Variants in HFM1 observed in about 807,000 individuals in gnomAD.
The protein encoded by HFM1 is probable ATP-dependent DNA helicase HFM1.
In HFM1, 169 loss-of-function variants were observed where a neutral mutation model predicts 192.1. The ratio of observed to expected loss-of-function variants is 0.88; its 90% confidence interval spans 0.78 to 1.00. The LOEUF (loss-of-function observed/expected upper bound fraction) is 1.00, where lower values mean the gene tolerates loss of function less well. Among genes scored for constraint, HFM1 ranks in the 50% least tolerant of loss-of-function variants. HFM1 has a pLI of 0.00. For missense variants in HFM1, 1,661 were observed against 1,668.0 expected (o/e 1.00, Z 0.07); for synonymous variants, 525 against 537.8 (o/e 0.98, Z 0.33).
chr1:91,378,479 TC>T lies in HFM1; in HGVS notation c.1159del (p.Glu387LysfsTer6). On this transcript the variant is annotated frameshift_variant and splice_region_variant, in exon 10 of 39. Coordinates refer to ENST00000370425, the MANE Select transcript of HFM1 (RefSeq NM_001017975.6). LOFTEE classifies it high-confidence loss of function. ...QHAHIIMTTP[E>X]KWDSMTRKWR... is the part of the protein sequence containing the mutation. ...TTTCCTAGTCATGCTATCCCATTTTTCCTAGAGAGAAAAAAAAGCATACAAG... is the reference window on the plus strand; with the variant it reads ...TTTCCTAGTCATGCTATCCCATTTTTCTAGAGAGAAAAAAAAGCATACAAG... 1.3e-6 allele frequency: 2 copies of T among 1,585,220 alleles called. No individual in the cohort carries two copies. Among genetic ancestry groups the T allele is most frequent in the Non-Finnish European group, 1.7e-6 (2 of 1,157,204 alleles).
At position 91,385,666 on chromosome 1, in the gene HFM1, T is replaced by C; in HGVS notation, c.663A>G (p.Thr221=). 1 of 1,612,052 alleles carries C rather than the reference T, an allele frequency of 6.2e-7. No homozygotes were observed. The highest frequency in any genetic ancestry group is 8.5e-7 in the Non-Finnish European group (1 of 1,178,152). The change falls in exon 5 of 39, where the codon ACA becomes ACG. Residue 221 remains threonine (T), a synonymous_variant. Coordinates refer to ENST00000370425, the MANE Select transcript of HFM1 (RefSeq NM_001017975.6). The stretch of plus-strand genomic sequence containing the variant: ...CAGAAGCAGAAAAAGCATTATTTGC[T>C]GTAAACACATTTGCAGAATACTGAA... ...QKFQYSANVF[T]ANNAFSASEI...
At chr1:91,355,432 G>GAA (rs35918513) in intron 13 of HFM1, among the ~76,000 whole-genome samples, 20 of 142,800 alleles carry the variant, frequency 1.4e-4, no homozygotes, top group Middle Eastern at 3.6e-3. Flanking sequence ...ATTGATAGAA[G>GAA]AAAAAAAAAA....
chr1:91,363,521 A>G (rs1332492149), intron 13 of HFM1, among the ~76,000 whole-genome samples: 1 of 142,422 alleles, frequency 7.0e-6, no homozygotes, highest in Admixed American at 7.0e-5. Context: ...ATTACTAAAA[A>G]GTCAAAAAAA....
At chr1:91,347,252 C>A (rs924561574) in intron 19 of HFM1, among the ~76,000 whole-genome samples, 177 bp downstream of exon 19, 1 of 152,058 alleles carries the variant, frequency 6.6e-6, no homozygotes, top group Non-Finnish European at 1.5e-5. Flanking sequence ...ATTAATTCAG[C>A]AAAAAAGTAT....
intron 20 of HFM1, among the ~76,000 whole-genome samples, chr1:91,325,745 C>G (rs566334880): frequency 1.3e-5 from 2 of 152,020 alleles, no homozygotes; most frequent in Non-Finnish European, 2.9e-5. Context: ...CATGACCTCA[C>G]CAAGTGAACT....
chr1:91,350,117 TATAG>T (rs1447714222), intron 18 of HFM1, among the ~76,000 whole-genome samples: 11 of 152,314 alleles, frequency 7.2e-5, no homozygotes, highest in South Asian at 2.1e-4. Flanking sequence ...TGAGTATTTA[TATAG>T]ATATTCTTTT....
intron 30 of HFM1, among the ~76,000 whole-genome samples, chr1:91,281,261 G>C (rs910098569): frequency 2.6e-5 from 4 of 152,178 alleles, no homozygotes; most frequent in African/African-American, 9.7e-5. Flanking sequence ...GAATCAAGTG[G>C]AGTGGTTTTC....
At chr1:91,294,899 G>T (rs751358721) in intron 30 of HFM1, among the ~76,000 whole-genome samples, 2 of 152,054 alleles carry the variant, frequency 1.3e-5, no homozygotes, top group Non-Finnish European at 2.9e-5. Flanking sequence ...ATATGCAAGG[G>T]GAATTACTCT....
intron 30 of HFM1, among the ~76,000 whole-genome samples, chr1:91,312,666 T>C (rs757593464): frequency 7.9e-5 from 12 of 152,118 alleles, no homozygotes; most frequent in Non-Finnish European, 1.5e-4. Flanking sequence ...CTGTGGACTT[T>C]TGGGTTAATG....
intron 30 of HFM1, among the ~76,000 whole-genome samples, chr1:91,309,241 T>C (rs1321667690): frequency 6.6e-6 from 1 of 152,156 alleles, no homozygotes; most frequent in African/African-American, 2.4e-5. Context: ...CTGCTCCCCT[T>C]ATGGGGTCAA....
In HFM1 at chr1:91,391,590, C is replaced by T. The variant is rs576339812; in HGVS notation, c.494+2503G>A. On this transcript the variant is annotated intron_variant, in intron 4 of 38. Transcript: ENST00000370425. ...CTGGATTCCTTCCTTACACCTTATACGAAAATTAATTCAAGATGGATTAAA... is the reference window on the plus strand; with the variant it reads ...CTGGATTCCTTCCTTACACCTTATATGAAAATTAATTCAAGATGGATTAAA... 2.2e-4 allele frequency among the ~76,000 whole-genome samples: 34 copies of T among 152,198 alleles called. No individual in the cohort carries two copies. In the East Asian group the frequency reaches 5.0e-3, roughly 23 times the overall value.
intron 34 of HFM1, among the ~76,000 whole-genome samples, chr1:91,270,891 C>G (rs1321252796): frequency 6.6e-6 from 1 of 152,110 alleles, no homozygotes. Context: ...GATGAGCATA[C>G]TGAGTGTCAA....
chr1:91,356,378 G>C (rs1156569452), intron 13 of HFM1, among the ~76,000 whole-genome samples: 2 of 151,746 alleles, frequency 1.3e-5, no homozygotes, highest in East Asian at 3.9e-4. Flanking sequence ...TGAGTAGCTG[G>C]GATTACAGGC....
At chr1:91,335,182 G>C (rs926236396) in intron 20 of HFM1, among the ~76,000 whole-genome samples, 1 of 152,182 alleles carries the variant, frequency 6.6e-6, no homozygotes, top group Non-Finnish European at 1.5e-5. Context: ...TAGAGAAGTA[G>C]CCAGGCTCTC....
intron 16 of HFM1, 48 bp downstream of exon 16, chr1:91,352,458 G>T (rs1571063688): frequency 6.3e-6 from 9 of 1,418,712 alleles, no homozygotes; most frequent in South Asian, 4.5e-5. Flanking sequence ...CAATTTTTTT[G>T]TTTTTATCAT....
intron 4 of HFM1, among the ~76,000 whole-genome samples, chr1:91,391,550 T>C (rs1356706255): frequency 1.3e-5 from 2 of 152,226 alleles, no homozygotes; most frequent in Non-Finnish European, 2.9e-5. Context: ...GCTAGCCATA[T>C]GTAGAAAGCT....
chr1:91,277,106 A>G, intron 30 of HFM1, 44 bp from the exon 31 acceptor site: 1 of 960,960 alleles, frequency 1.0e-6, no homozygotes, highest in Non-Finnish European at 1.6e-6. Context: ...CACTACATTT[A>G]TTATTGTTAA....
intron 30 of HFM1, among the ~76,000 whole-genome samples, chr1:91,285,051 C>T (rs547968568): frequency 1.3e-5 from 2 of 152,198 alleles, no homozygotes; most frequent in Non-Finnish European, 2.9e-5. Context: ...TATAAGGGGT[C>T]TCTCCTTTCG....
intron 13 of HFM1, among the ~76,000 whole-genome samples, chr1:91,369,629 A>G (rs1013313351): frequency 2.6e-5 from 4 of 152,230 alleles, no homozygotes; most frequent in Non-Finnish European, 4.4e-5. Context: ...AATGCCCACA[A>G]GAGAAAGCAG....
Sources: gnomAD v4.1 joint callset for allele counts (sites outside exome capture counted in the v4.1 genomes callset) on GRCh38, gnomAD v4.1.1 for gene constraint, MANE v1.5 for transcripts, NCBI Gene and HGNC (gene_info 2026-07-23, HGNC 2026-07-21) for gene names.